Variants in SGCZ observed in about 807,000 individuals in gnomAD.
SGCZ encodes the protein sarcoglycan zeta, also known as zeta-sarcoglycan.
In SGCZ, 40 loss-of-function variants were observed where a neutral mutation model predicts 41.3. That is an observed-to-expected ratio of 0.97 (90% CI 0.75 to 1.26). SGCZ has a LOEUF of 1.26. SGCZ is among the 50% of genes most tolerant of loss of function. The pLI, the probability that SGCZ is intolerant of heterozygous loss-of-function variation, is 0.00. For missense variants in SGCZ, 552 were observed against 369.8 expected, an observed-to-expected ratio of 1.49 and a Z score of -4.04; for synonymous variants, 206 against 137.5, an observed-to-expected ratio of 1.50 and a Z score of -3.49.
intron 2 of SGCZ, among the ~76,000 whole-genome samples, chr8:14,373,483 G>A (rs1301516639): frequency 2.6e-5 from 4 of 152,136 alleles, no homozygotes; most frequent in Non-Finnish European, 4.4e-5. Context: ...ATAAAAATAA[G>A]TGAGCTCTCA....
chr8:14,248,572 ACAT>A (rs1220510872), intron 3 of SGCZ, among the ~76,000 whole-genome samples: 1 of 152,182 alleles, frequency 6.6e-6, no homozygotes, highest in Non-Finnish European at 1.5e-5. Context: ...TTTTTAAAGG[ACAT>A]CATATTTAAA....
Position 14,108,596 on chromosome 8 carries a change from A to T in SGCZ, c.548-361T>A, listed in dbSNP as rs1316853569. On this transcript the variant is annotated intron_variant, in intron 5 of 7. Transcript: ENST00000382080. ...ACGACCGTGAGAACATTATGGGGGA[A>T]ACCACCTCCATGGTTCAAATTATCT... Among the ~76,000 whole-genome samples the T allele has an allele frequency of 3.3e-5, 5 of 152,034 alleles. No individual in the cohort carries two copies. The East Asian group carries it at 9.7e-4, about 29-fold the overall frequency.
chr8:14,402,832 A>T (rs1361694440), intron 2 of SGCZ, among the ~76,000 whole-genome samples: 1 of 149,314 alleles, frequency 6.7e-6, no homozygotes, highest in Non-Finnish European at 1.5e-5. Context: ...GAAGAAAGGC[A>T]TTGGTAGCTT....
chr8:15,054,484 G>C lies in SGCZ; in HGVS notation c.39+183101C>G, dbSNP rs55998940. On this transcript the variant is annotated intron_variant, in intron 1 of 7. Coordinates refer to ENST00000382080, the MANE Select transcript of SGCZ (RefSeq NM_139167.4). The stretch of plus-strand genomic sequence containing the variant: ...TGGAGTGCTGCAATGAGAAACAATA[G>C]TTTCTACTCCTTGGGAAGACAACCT... Among the ~76,000 whole-genome samples the C allele has an allele frequency of 2.6e-5, 4 of 151,892 alleles. 1 individual carries two copies. Among genetic ancestry groups the C allele is most frequent in the African/African-American group, 7.3e-5 (3 of 41,324 alleles).
intron 5 of SGCZ, among the ~76,000 whole-genome samples, chr8:14,146,890 A>AAAAAAAAAAAAAAAAAATAATAAT (rs1182329393): frequency 3.4e-5 from 4 of 116,240 alleles, no homozygotes; most frequent in Admixed American, 8.6e-5. Context: ...AAAATAAAAA[A>AAAAAAAAAAAAAAAAAATAATAAT]AATAATAATA....
intron 1 of SGCZ, among the ~76,000 whole-genome samples, chr8:15,105,800 G>T (rs1156312538): frequency 6.6e-6 from 1 of 152,062 alleles, no homozygotes; most frequent in Non-Finnish European, 1.5e-5. Flanking sequence ...TACCAAAATT[G>T]GTTTCTATAA....
At position 15,237,905 on chromosome 8, in the gene SGCZ, G is replaced by T; in HGVS notation, c.-282C>A. The T allele has an allele frequency of 2.0e-5, 5 of 254,102 alleles. No individual in the cohort carries two copies. The highest frequency in any genetic ancestry group is 1.3e-4 in the East Asian group (2 of 15,368). The allele number at this position is 254,102 out of a possible 1,614,324, so 15.7% of individuals were successfully genotyped here. On this transcript the variant is annotated 5_prime_UTR_variant, in exon 1 of 8. Coordinates refer to ENST00000382080, the MANE Select transcript of SGCZ (RefSeq NM_139167.4). ...GAGTCGATTGAAACAGGGGCCAAAA[G>T]AAAAAAGGAAAAAAAAATCCACTCT...
chr8:14,830,334 G>A (rs1802482914), intron 1 of SGCZ, among the ~76,000 whole-genome samples: 1 of 151,572 alleles, frequency 6.6e-6, no homozygotes, highest in African/African-American at 2.4e-5. Flanking sequence ...ACTACATGTT[G>A]ATCACAGAAG....
intron 1 of SGCZ, among the ~76,000 whole-genome samples, chr8:15,031,292 G>C (rs1309238174): frequency 6.6e-6 from 1 of 152,130 alleles, no homozygotes; most frequent in Non-Finnish European, 1.5e-5. Context: ...GCATTTGGAG[G>C]TAAGGATCCT....
chr8:14,957,178 C>A (rs1225774075), intron 1 of SGCZ, among the ~76,000 whole-genome samples: 1 of 152,046 alleles, frequency 6.6e-6, no homozygotes. Context: ...TTTGTTTTCT[C>A]TCTTATGCAA....
At chr8:14,297,961 CT>C (rs968044616) in intron 3 of SGCZ, among the ~76,000 whole-genome samples, 3 of 151,862 alleles carry the variant, frequency 2.0e-5, no homozygotes, top group African/African-American at 7.3e-5. Context: ...ACAAAACATT[CT>C]TACCAAATAT....
At position 14,324,827 on chromosome 8, in the gene SGCZ, G is replaced by C. The variant is rs112199302; in HGVS notation, c.235-623C>G. ...TGCTACTGGGAATTAAAGAAAGGAG[G>C]TTTTATATCTGATAAGATAGTAAAC... On this transcript the variant is annotated intron_variant, in intron 2 of 7. Transcript: ENST00000382080. 8.5e-5 allele frequency among the ~76,000 whole-genome samples: 13 copies of C among 152,258 alleles called. 2 individuals carry two copies. The highest frequency in any genetic ancestry group is 3.1e-4 in the African/African-American group (13 of 41,578).
intron 1 of SGCZ, among the ~76,000 whole-genome samples, chr8:14,696,269 A>C (rs1478695952): frequency 6.6e-6 from 1 of 152,178 alleles, no homozygotes; most frequent in Non-Finnish European, 1.5e-5. Flanking sequence ...TAAATACCAA[A>C]TATGAGAACT....
At chr8:14,139,052 C>G (rs1164074874) in intron 5 of SGCZ, among the ~76,000 whole-genome samples, 1 of 152,090 alleles carries the variant, frequency 6.6e-6, no homozygotes, top group Non-Finnish European at 1.5e-5. Flanking sequence ...CAAAACTGCA[C>G]AATTACGTGG....
At chr8:14,444,615 G>C (rs1185401119) in intron 2 of SGCZ, among the ~76,000 whole-genome samples, 1 of 137,710 alleles carries the variant, frequency 7.3e-6, no homozygotes, top group Non-Finnish European at 1.5e-5. Flanking sequence ...TGAAAAATGA[G>C]AACACATGGA....
chr8:14,765,235 A>T (rs773356120), intron 1 of SGCZ, among the ~76,000 whole-genome samples: 5 of 152,164 alleles, frequency 3.3e-5, no homozygotes, highest in African/African-American at 7.2e-5. Flanking sequence ...AGCAATAACC[A>T]TCCTAGACTC....
intron 2 of SGCZ, among the ~76,000 whole-genome samples, chr8:14,466,307 G>C (rs920400733): frequency 1.3e-5 from 2 of 151,908 alleles, no homozygotes; most frequent in African/African-American, 4.8e-5. Context: ...ATGCGTTGTG[G>C]TTTCCAAAGT....
At chr8:14,136,152 T>C (rs556286301) in intron 5 of SGCZ, among the ~76,000 whole-genome samples, 1 of 152,228 alleles carries the variant, frequency 6.6e-6, no homozygotes, top group East Asian at 1.9e-4. Context: ...GAAATGCTCT[T>C]CAAACACTAA....
At chr8:14,675,236 G>A (rs111597849) in intron 1 of SGCZ, among the ~76,000 whole-genome samples, 201 of 151,546 alleles carry the variant, frequency 1.3e-3, no homozygotes, top group African/African-American at 4.5e-3. Context: ...CACCGCACCC[G>A]GCCAAACCTC....
Sources: gnomAD v4.1 joint callset for allele counts (sites outside exome capture counted in the v4.1 genomes callset) on GRCh38, gnomAD v4.1.1 for gene constraint, MANE v1.5 for transcripts, NCBI Gene and HGNC (gene_info 2026-07-23, HGNC 2026-07-21) for gene names.